The following NRXN3 variants were observed in gnomAD, a reference collection of about 807,000 sequenced individuals.
The protein encoded by NRXN3 is neurexin III.
In NRXN3, 32 loss-of-function variants were observed where a neutral mutation model predicts 137.6. The observed-to-expected ratio is 0.23, with a 90% CI of 0.18 to 0.31. The LOEUF (loss-of-function observed/expected upper bound fraction) is 0.31. Among genes scored for constraint, NRXN3 ranks in the 10% least tolerant of loss-of-function variants. NRXN3 has a pLI of 1.00. For missense variants in NRXN3, 1,574 were observed against 2,062.5 expected, an observed-to-expected ratio of 0.76 and a Z score of 4.59; for synonymous variants, 798 against 784.5, an observed-to-expected ratio of 1.02 and a Z score of -0.29.
chr14:79,703,780 G>A (rs1049175874), intron 19 of NRXN3, among the ~76,000 whole-genome samples: 3 of 152,070 alleles, frequency 2.0e-5, no homozygotes, highest in African/African-American at 7.2e-5. Flanking sequence ...CAGTTTTACT[G>A]TCTGTAAAAG....
chr14:79,001,438 T>C (rs184100896), intron 15 of NRXN3, among the ~76,000 whole-genome samples: 34 of 152,310 alleles, frequency 2.2e-4, no homozygotes, highest in African/African-American at 7.7e-4. Context: ...TCGAACCACA[T>C]TTTCTTGAAT....
intron 10 of NRXN3, among the ~76,000 whole-genome samples, chr14:78,919,054 A>T (rs2099264159): frequency 6.6e-6 from 1 of 152,196 alleles, no homozygotes; most frequent in Non-Finnish European, 1.5e-5. Flanking sequence ...TAGTATTAAA[A>T]TTTTTTATAT....
intron 15 of NRXN3, among the ~76,000 whole-genome samples, chr14:79,420,887 T>C (rs1027175111): frequency 3.3e-5 from 5 of 152,114 alleles, no homozygotes; most frequent in African/African-American, 1.2e-4. Flanking sequence ...GACTCATGAA[T>C]CTTTAGGAGA....
chr14:79,489,896 G>A (rs184349148), intron 16 of NRXN3, among the ~76,000 whole-genome samples: 10 of 151,826 alleles, frequency 6.6e-5, no homozygotes, highest in African/African-American at 1.4e-4. Context: ...AAAATTAGCC[G>A]GGCATGGTGG....
At chr14:78,987,551 T>TTATCAA (rs1320397356) in intron 14 of NRXN3, among the ~76,000 whole-genome samples, 4 of 152,136 alleles carry the variant, frequency 2.6e-5, no homozygotes, top group African/African-American at 7.2e-5. Context: ...CTCTTCATCA[T>TTATCAA]TATCAATATC....
At chr14:78,619,462 G>C (rs537186121) in intron 4 of NRXN3, among the ~76,000 whole-genome samples, 1 of 152,030 alleles carries the variant, frequency 6.6e-6, no homozygotes, top group Non-Finnish European at 1.5e-5. Context: ...AAGAGTGCTC[G>C]ATATGGTTAA....
At chr14:78,671,227 G>T (rs569449543) in intron 6 of NRXN3, among the ~76,000 whole-genome samples, 1 of 152,258 alleles carries the variant, frequency 6.6e-6, no homozygotes, top group South Asian at 2.1e-4. Context: ...AATACGTTGA[G>T]AACTGAAAGT....
chr14:79,322,917 C>T (rs888188384), intron 15 of NRXN3, among the ~76,000 whole-genome samples: 7 of 152,196 alleles, frequency 4.6e-5, no homozygotes, highest in African/African-American at 1.7e-4. Flanking sequence ...AGACAAAGAT[C>T]CTAAACCTTT....
intron 16 of NRXN3, among the ~76,000 whole-genome samples, chr14:79,541,220 T>C (rs2097269049): frequency 6.6e-6 from 1 of 152,164 alleles, no homozygotes; most frequent in South Asian, 2.1e-4. Flanking sequence ...CTGGCCACTG[T>C]GGTGAAACCC....
chr14:79,846,483 C>G (rs2099373266), intron 20 of NRXN3, among the ~76,000 whole-genome samples: 2 of 152,108 alleles, frequency 1.3e-5, no homozygotes, highest in South Asian at 4.1e-4. Context: ...TCTGCATGCC[C>G]AATCTACAGC....
At position 79,467,316 on chromosome 14, in the gene NRXN3, G is replaced by A. The variant is rs982170073; in HGVS notation, c.3358G>A (p.Val1120Met). 2.0e-5 allele frequency: 32 copies of A among 1,613,648 alleles called. No homozygotes were observed. Among genetic ancestry groups the A allele is most frequent in the African/African-American group, 2.7e-5 (2 of 74,926 alleles). ...CAGCACGCGGTCTGACCGCCTTGCC[G>A]TGGGCTTCAGCACCACTGTGAAGGA... ...RPSTRSDRLA[V>M]GFSTTVKDGI... The change falls in exon 16 of 21, where the codon GTG becomes ATG. Residue 1120 changes from valine (V) to methionine (M), a missense_variant. Transcript: ENST00000335750.
At chr14:79,493,924 C>G (rs1306417066) in intron 16 of NRXN3, among the ~76,000 whole-genome samples, 1 of 152,166 alleles carries the variant, frequency 6.6e-6, no homozygotes, top group Non-Finnish European at 1.5e-5. Flanking sequence ...CCAATTTGTT[C>G]CAATTTGCTT....
chr14:79,613,928 G>A (rs540070436), intron 16 of NRXN3, among the ~76,000 whole-genome samples: 9 of 152,328 alleles, frequency 5.9e-5, no homozygotes, highest in Admixed American at 2.6e-4. Flanking sequence ...CGACTTAGTC[G>A]AAATCACTTT....
At chr14:79,152,879 G>A (rs971701156) in intron 15 of NRXN3, among the ~76,000 whole-genome samples, 2 of 151,996 alleles carry the variant, frequency 1.3e-5, no homozygotes, top group Admixed American at 6.6e-5. Flanking sequence ...CTTAAAAAGT[G>A]TAATGTCAAT....
intron 4 of NRXN3, among the ~76,000 whole-genome samples, chr14:78,596,677 C>T (rs1002914915): frequency 3.3e-5 from 5 of 152,024 alleles, no homozygotes; most frequent in Non-Finnish European, 5.9e-5. Flanking sequence ...AGAGGTCATG[C>T]GGTAGAAAAT....
chr14:79,098,347 C>T (rs1039695685), intron 15 of NRXN3, among the ~76,000 whole-genome samples: 1 of 152,148 alleles, frequency 6.6e-6, no homozygotes, highest in Non-Finnish European at 1.5e-5. Context: ...AACCTATTTA[C>T]TTAGCAGTTT....
At chr14:79,418,479 A>C (rs2153528337) in intron 15 of NRXN3, among the ~76,000 whole-genome samples, 1 of 152,304 alleles carries the variant, frequency 6.6e-6, no homozygotes, top group South Asian at 2.1e-4. Flanking sequence ...CAGTCATCGA[A>C]GGAAGTTGCT....
At chr14:78,879,365 C>T (rs1383377021) in intron 10 of NRXN3, among the ~76,000 whole-genome samples, 1 of 152,136 alleles carries the variant, frequency 6.6e-6, no homozygotes, top group East Asian at 1.9e-4. Flanking sequence ...CTTGCTAATA[C>T]TTATCTTTTA....
At chr14:79,610,606 A>G (rs2098086770) in intron 16 of NRXN3, among the ~76,000 whole-genome samples, 2 of 152,206 alleles carry the variant, frequency 1.3e-5, no homozygotes, top group African/African-American at 2.4e-5. Flanking sequence ...ACTGCCTAGT[A>G]TAATATTTCA....
Sources: gnomAD v4.1 joint callset for allele counts (sites outside exome capture counted in the v4.1 genomes callset) on GRCh38, gnomAD v4.1.1 for gene constraint, MANE v1.5 for transcripts, NCBI Gene and HGNC (gene_info 2026-07-23, HGNC 2026-07-21) for gene names.